Variants in PTGER3 observed in about 807,000 individuals in gnomAD.
PTGER3 encodes prostaglandin E receptor 3.
Under a neutral mutation model 34.7 loss-of-function variants are expected in PTGER3, and 22 were observed. The ratio of observed to expected loss-of-function variants is 0.63; its 90% confidence interval spans 0.45 to 0.91. The LOEUF is 0.91. PTGER3 is among the 40% of genes least tolerant of loss of function. The pLI, the probability that PTGER3 is intolerant of heterozygous loss-of-function variation, is 0.00. For missense variants in PTGER3, 468 were observed against 519.4 expected, an observed-to-expected ratio of 0.90 and a Z score of 0.96; for synonymous variants, 241 against 230.1, an observed-to-expected ratio of 1.05 and a Z score of -0.43.
intron 4 of PTGER3, among the ~76,000 whole-genome samples, chr1:70,906,650 C>T (rs899465364): frequency 5.3e-5 from 8 of 152,216 alleles, no homozygotes; most frequent in South Asian, 2.1e-4. Context: ...ATACTTGACT[C>T]ATAATGCTGT....
At chr1:70,994,497 G>A (rs1444610516) in intron 2 of PTGER3, among the ~76,000 whole-genome samples, 4 of 149,760 alleles carry the variant, frequency 2.7e-5, no homozygotes, top group South Asian at 2.1e-4. Context: ...CACTCTTGTC[G>A]CCCAGGCTGC....
intron 1 of PTGER3, among the ~76,000 whole-genome samples, chr1:71,015,027 C>T (rs1461878444): frequency 1.3e-5 from 2 of 152,220 alleles, no homozygotes; most frequent in East Asian, 3.8e-4. Flanking sequence ...AGACTCCAAA[C>T]TCTAGCTATA....
At chr1:71,009,711 C>T in intron 2 of PTGER3, 2 of 985,182 alleles carry the variant, frequency 2.0e-6, no homozygotes, top group Non-Finnish European at 2.4e-6. Flanking sequence ...TTAACCAATA[C>T]TTCAAAATTC....
intron 2 of PTGER3, among the ~76,000 whole-genome samples, chr1:70,956,339 T>A (rs919193691): frequency 3.3e-5 from 5 of 151,778 alleles, no homozygotes; most frequent in African/African-American, 1.2e-4. Context: ...GCAAGAAGTG[T>A]TGATACAAAA....
chr1:70,973,432 T>C (rs1653351099), intron 3 of PTGER3, among the ~76,000 whole-genome samples: 2 of 152,088 alleles, frequency 1.3e-5, no homozygotes, highest in East Asian at 1.9e-4. Context: ...AAAAAACACA[T>C]TCATCTCTTC....
intron 4 of PTGER3, among the ~76,000 whole-genome samples, chr1:70,911,068 A>G (rs1647050538): frequency 6.8e-6 from 1 of 147,090 alleles, no homozygotes; most frequent in African/African-American, 2.5e-5. Context: ...CGACAGAGCG[A>G]GACTCCATTT....
chr1:71,028,726 T>G (rs944122739), intron 1 of PTGER3, among the ~76,000 whole-genome samples: 7 of 152,180 alleles, frequency 4.6e-5, no homozygotes, highest in Admixed American at 4.6e-4. Context: ...TGCTTCCAAT[T>G]AACTTCTCTC....
chr1:71,041,103 A>C (rs1171775127), intron 1 of PTGER3, among the ~76,000 whole-genome samples: 1 of 152,240 alleles, frequency 6.6e-6, no homozygotes, highest in Non-Finnish European at 1.5e-5. Context: ...AACTTAAAAC[A>C]GGGTTACGTC....
chr1:70,917,066 A>G (rs1647189021), intron 4 of PTGER3, among the ~76,000 whole-genome samples: 1 of 151,996 alleles, frequency 6.6e-6, no homozygotes, highest in South Asian at 2.1e-4. Context: ...GTTATCTTGA[A>G]ATATACACTA....
At position 71,011,266 on chromosome 1, in the gene PTGER3, A is replaced by T. The variant is rs146882690; in HGVS notation, c.1077+1039T>A. 10 of 985,288 alleles carry T rather than the reference A, an allele frequency of 1.0e-5. No homozygotes were observed. The East Asian group carries it at 1.0e-3, about 101-fold the overall frequency. The allele number at this position is 985,288 out of a possible 1,614,324, so 61.0% of individuals were successfully genotyped here. On this transcript the variant is annotated intron_variant, in intron 2 of 3. Transcript: ENST00000306666. ...AGAAGAGCTGTGAAGGGTCAATGTT[A>T]TTAACTTTCTTATATAAATAGGCCA... is the stretch of plus-strand genomic sequence containing the variant.
intron 2 of PTGER3, among the ~76,000 whole-genome samples, chr1:70,987,917 GA>G (rs1460191963): frequency 6.6e-6 from 1 of 152,086 alleles, no homozygotes. Context: ...AGAAAACTTT[GA>G]CTCCTCACCA....
intron 4 of PTGER3, among the ~76,000 whole-genome samples, chr1:70,899,510 GT>G (rs1646791554): frequency 6.6e-6 from 1 of 152,110 alleles, no homozygotes; most frequent in Non-Finnish European, 1.5e-5. Flanking sequence ...TCACTAATGT[GT>G]TTTGAAGCAA....
intron 4 of PTGER3, among the ~76,000 whole-genome samples, chr1:70,934,376 C>T (rs1352565852): frequency 2.6e-5 from 4 of 152,108 alleles, no homozygotes; most frequent in South Asian, 2.1e-4. Context: ...GATGCCTCAG[C>T]GTAAATAAAA....
At chr1:70,927,204 T>A (rs866549951) in intron 4 of PTGER3, among the ~76,000 whole-genome samples, 4 of 152,126 alleles carry the variant, frequency 2.6e-5, no homozygotes, top group African/African-American at 9.7e-5. Context: ...ATAAAATGAG[T>A]TAAGGAGGAT....
At chr1:70,866,346 T>C (rs978875663) in intron 4 of PTGER3, among the ~76,000 whole-genome samples, 3 of 152,218 alleles carry the variant, frequency 2.0e-5, no homozygotes, top group Non-Finnish European at 4.4e-5. Context: ...TTGGTCTCAA[T>C]GAAAGCCTTC....
At position 71,012,437 on chromosome 1, in the gene PTGER3, G is replaced by A. The variant is rs752837766; in HGVS notation, c.945C>T (p.Cys315=). 5 of 1,614,082 alleles carry A rather than the reference G, an allele frequency of 3.1e-6. No individual in the cohort carries two copies. The highest frequency in any genetic ancestry group is 4.2e-6 in the Non-Finnish European group (5 of 1,180,012). The part of the protein sequence containing the change: ...MIFNQTSVEH[C]KTHTEKQKEC... ...CTTTCTGCTTCTCCGTGTGTGTCTT[G>A]CAGTGCTCAACTGATGTCTGATTGA... is the stretch of plus-strand genomic sequence containing the variant. The change falls in exon 2 of 4, where the codon TGC becomes TGT. Residue 315 remains cysteine, a synonymous_variant. Transcript: ENST00000306666.
intron 4 of PTGER3, among the ~76,000 whole-genome samples, chr1:70,913,692 A>G (rs1197139483): frequency 6.6e-6 from 1 of 151,926 alleles, no homozygotes; most frequent in Non-Finnish European, 1.5e-5. Flanking sequence ...ATCAGGAATA[A>G]ATATAGATTT....
chr1:71,001,757 T>A (rs1170798578), intron 2 of PTGER3, among the ~76,000 whole-genome samples: 1 of 152,186 alleles, frequency 6.6e-6, no homozygotes, highest in Non-Finnish European at 1.5e-5. Context: ...AAGCTGTGTA[T>A]TTTTCCCAAG....
rs559865980 is a variant in PTGER3, at chr1:70,975,043, G to C, written c.1078-655C>G. ...GAGAACATCCTGTTCACTAGGACTG[G>C]TGCCTCACTATATGACATCTACTAT... On this transcript the variant is annotated intron_variant, in intron 2 of 3. Coordinates refer to ENST00000306666, the MANE Select transcript of PTGER3 (RefSeq NM_198719.2). Among the ~76,000 whole-genome samples, 27 of 152,238 alleles carry C rather than the reference G, an allele frequency of 1.8e-4. No individual in the cohort carries two copies. The East Asian group carries it at 5.0e-3, about 28-fold the overall frequency.
Sources: gnomAD v4.1 joint callset for allele counts (sites outside exome capture counted in the v4.1 genomes callset) on GRCh38, gnomAD v4.1.1 for gene constraint, MANE v1.5 for transcripts, NCBI Gene and HGNC (gene_info 2026-07-23, HGNC 2026-07-21) for gene names.